Variants in ANKRD13A observed in about 807,000 individuals in gnomAD.
The protein encoded by ANKRD13A is ankyrin repeat domain-containing protein 13A.
Under a neutral mutation model 81.3 loss-of-function variants are expected in ANKRD13A, and 48 were observed. The ratio of observed to expected loss-of-function variants is 0.59; its 90% CI spans 0.47 to 0.75. ANKRD13A has a LOEUF of 0.75. Ranked by LOEUF, ANKRD13A falls within the 30% of genes least tolerant of loss-of-function variation. The probability of loss-of-function intolerance (pLI) is 0.00; values close to 1 mark genes in which losing one functional copy is unlikely to be tolerated. For missense variants in ANKRD13A, 612 were observed against 734.0 expected (o/e 0.83, Z 1.92); for synonymous variants, 230 against 270.1 (o/e 0.85, Z 1.45).
Position 110,037,794 on chromosome 12 carries a change from T to C in ANKRD13A, c.*240T>C, listed in dbSNP as rs1892156074. On this transcript the variant is annotated 3_prime_UTR_variant, in exon 15 of 15. Transcript: ENST00000261739. The stretch of plus-strand genomic sequence containing the variant: ...TCTCCAGGCTAAGGGGAGGAGAGCA[T>C]CATCACTTTCCATTAGCTGTATTGG... 2.5e-6 allele frequency: 1 copy of C among 401,008 alleles called. No homozygotes were observed. Among genetic ancestry groups the C allele is most frequent in the African/African-American group, 2.0e-5 (1 of 49,370 alleles). The allele number at this position is 401,008 out of a possible 1,614,324, so 24.8% of individuals were successfully genotyped here. A position where few individuals can be genotyped will look rare whatever the true frequency, so the allele number is the denominator to read the frequency against.
At chr12:110,013,884 T>C (rs1196587724) in intron 3 of ANKRD13A, among the ~76,000 whole-genome samples, 1 of 152,170 alleles carries the variant, frequency 6.6e-6, no homozygotes, top group African/African-American at 2.4e-5. Context: ...TTTAGGTGCC[T>C]GTTTTCTTGA....
chr12:110,010,451 A>G (rs6606680), intron 1 of ANKRD13A, among the ~76,000 whole-genome samples: 43,192 of 152,154 alleles, frequency 0.28, 9,297 homozygotes, highest in African/African-American at 0.61. Context: ...TTACTTTTAA[A>G]AAAATATTTA....
At chr12:110,019,401 T>A (rs149135826) in intron 6 of ANKRD13A, 73 bp downstream of exon 6, 1 of 1,386,800 alleles carries the variant, frequency 7.2e-7, no homozygotes, top group East Asian at 2.4e-5. Context: ...ATGTATTAAT[T>A]GTAAATTATG....
chr12:110,037,457 A>G lies in ANKRD13A; in HGVS notation c.1676A>G (p.Glu559Gly). The change falls in exon 15 of 15, where the codon GAG becomes GGG. Residue 559 changes from glutamate (E) to glycine (G), a missense_variant. By Grantham distance (98) the Glu-to-Gly change is moderately conservative. Transcript: ENST00000261739. Reference sequence around the variant, plus strand: ...GATAATGACTTGCAGCTAGCCATGGAGCTCTCTGCCAAAGAGCTGGAGGAA... The same window carrying G: ...GATAATGACTTGCAGCTAGCCATGGGGCTCTCTGCCAAAGAGCTGGAGGAA... ...RFDNDLQLAM[E>G]LSAKELEEWE... 6.2e-7 allele frequency: 1 copy of G among 1,614,170 alleles called. No individual in the cohort carries two copies. Among genetic ancestry groups the G allele is most frequent in the Non-Finnish European group, 8.5e-7 (1 of 1,180,030 alleles).
At chr12:110,013,085 A>G (rs746791158) in intron 2 of ANKRD13A, 40 bp from the exon 3 acceptor site, 48 of 1,609,068 alleles carry the variant, frequency 3.0e-5, no homozygotes, top group Non-Finnish European at 4.0e-5. Context: ...GGAATTTGTC[A>G]GAAAGTATGA....
At chr12:110,014,555 T>A (rs912858439) in intron 3 of ANKRD13A, among the ~76,000 whole-genome samples, 6 of 152,246 alleles carry the variant, frequency 3.9e-5, no homozygotes, top group Admixed American at 3.9e-4. Flanking sequence ...ACTTAGTGGC[T>A]CCAGAAGCTG....
At chr12:110,025,533 T>C (rs1891274025) in intron 7 of ANKRD13A, among the ~76,000 whole-genome samples, 1 of 152,180 alleles carries the variant, frequency 6.6e-6, no homozygotes, top group Non-Finnish European at 1.5e-5. Context: ...GTATTAAAAC[T>C]GTCAAACATG....
In ANKRD13A at chr12:110,019,134, A is replaced by G. The variant is rs1178126593; in HGVS notation, c.545-5A>G. On this transcript the variant is annotated splice_region_variant and splice_polypyrimidine_tract_variant and intron_variant, in intron 5 of 14. Coordinates refer to ENST00000261739, the MANE Select transcript of ANKRD13A (RefSeq NM_033121.2). ...ACTTAGTTATGCCTTTGTTTCCATT[A>G]ATAGACAACTGGGCGGAGTTAATGG... 3.2e-6 allele frequency: 5 copies of G among 1,573,978 alleles called. No homozygotes were observed. Among genetic ancestry groups the G allele is most frequent in the South Asian group, 1.2e-5 (1 of 86,100 alleles).
At position 110,013,041 on chromosome 12, in the gene ANKRD13A, G is replaced by A. The variant is rs1890608876; in HGVS notation, c.230-84G>A. On this transcript the variant is annotated intron_variant, in intron 2 of 14. Coordinates refer to ENST00000261739, the MANE Select transcript of ANKRD13A (RefSeq NM_033121.2). ...CCCTTTTCTTCTGAAGAAAATACTG[G>A]TCTTTGATCTAGATACTTTTTCAGC... The A allele has an allele frequency of 5.4e-6, 8 of 1,476,198 alleles. No individual in the cohort carries two copies. In the Admixed American group the frequency reaches 9.4e-5, roughly 17 times the overall value. The allele number at this position is 1,476,198 out of a possible 1,614,324, so 91.4% of individuals were successfully genotyped here.
chr12:110,005,391 A>G (rs944364362), intron 1 of ANKRD13A, among the ~76,000 whole-genome samples: 4 of 152,170 alleles, frequency 2.6e-5, no homozygotes, highest in African/African-American at 9.7e-5. Flanking sequence ...TTGGCCTGCC[A>G]AAGTGCTAAG....
chr12:110,006,584 T>TC (rs1215135987), intron 1 of ANKRD13A, among the ~76,000 whole-genome samples: 1 of 152,064 alleles, frequency 6.6e-6, no homozygotes, highest in Non-Finnish European at 1.5e-5. Flanking sequence ...AAATATTTTC[T>TC]CCCATTCCAT....
At position 110,036,847 on chromosome 12, in the gene ANKRD13A, G is replaced by C. The variant is rs1892086766; in HGVS notation, c.1578-512G>C. ...CTTGATAGCAAGTTTCCAGGAATGG[G>C]TGATAGAATTGCTGACTGGTTCACA... On this transcript the variant is annotated intron_variant, in intron 14 of 14. Coordinates refer to ENST00000261739, the MANE Select transcript of ANKRD13A (RefSeq NM_033121.2). The surrounding 1 kb of genome is among the most constrained non-coding windows in gnomAD (Gnocchi z 4.6). Among the ~76,000 whole-genome samples, 1 of 152,248 alleles carries C rather than the reference G, an allele frequency of 6.6e-6. No homozygotes were observed. The highest frequency in any genetic ancestry group is 1.5e-5 in the Non-Finnish European group (1 of 68,032).
intron 1 of ANKRD13A, among the ~76,000 whole-genome samples, chr12:110,005,704 G>A (rs944646644): frequency 6.6e-6 from 1 of 152,130 alleles, no homozygotes; most frequent in African/African-American, 2.4e-5. Context: ...GATGTACTAT[G>A]TTTTGTTTGT....
Position 110,037,400 on chromosome 12 carries a change from G to A in ANKRD13A, c.1619G>A (p.Cys540Tyr), listed in dbSNP as rs778468318. The A allele has an allele frequency of 1.9e-6, 3 of 1,614,202 alleles. No homozygotes were observed. Among genetic ancestry groups the A allele is most frequent in the South Asian group, 2.2e-5 (2 of 91,084 alleles). Residue 540 changes from cysteine to tyrosine, a missense_variant, in exon 15 of 15, where the codon TGC (cysteine) becomes TAC (tyrosine). Physicochemically the swap from Cys to Tyr is radical, Grantham distance 194. Transcript: ENST00000261739. Reference sequence around the variant, plus strand: ...CTCCTCACCAGCACAGAAGGCCTGTGCCCCAGCGCCCTGAGCGAGACAAGC... The same window carrying A: ...CTCCTCACCAGCACAGAAGGCCTGTACCCCAGCGCCCTGAGCGAGACAAGC... ...ESLLTSTEGL[C>Y]PSALSETSRF...
At position 110,012,246 on chromosome 12, in the gene ANKRD13A, T is replaced by C. The variant is rs1174053914; in HGVS notation, c.229+109T>C. The C allele has an allele frequency of 3.1e-6, 4 of 1,274,020 alleles. No individual in the cohort carries two copies. The African/African-American group carries it at 5.9e-5, about 19-fold the overall frequency. The allele number at this position is 1,274,020 out of a possible 1,614,324, so 78.9% of individuals were successfully genotyped here. On this transcript the variant is annotated intron_variant, in intron 2 of 14. Coordinates refer to ENST00000261739, the MANE Select transcript of ANKRD13A (RefSeq NM_033121.2). ...CAGGTGCGGTGGTGCATGTCTGTAG[T>C]ACCAGCTACTCAGGAGGCTGAGGGG... is the stretch of plus-strand genomic sequence containing the variant.
chr12:110,030,016 G>A (rs186362260), intron 11 of ANKRD13A, among the ~76,000 whole-genome samples: 4 of 152,124 alleles, frequency 2.6e-5, no homozygotes, highest in African/African-American at 9.6e-5. Flanking sequence ...TATGATCTAC[G>A]TCCCAAGCTA....
At chr12:110,033,757 GT>G in intron 12 of ANKRD13A, 39 bp from the exon 13 acceptor site, 7 of 1,508,280 alleles carry the variant, frequency 4.6e-6, no homozygotes, top group Non-Finnish European at 5.3e-6. Context: ...GAGTGGAAAT[GT>G]AATGAACTCA....
At chr12:110,029,154 CTTT>C in intron 10 of ANKRD13A, 1 of 203,118 alleles carries the variant, frequency 4.9e-6, no homozygotes, top group Non-Finnish European at 9.8e-6. Flanking sequence ...GTAAGAATTC[CTTT>C]TTTTTTTTAT....
chr12:110,025,848 C>T, intron 8 of ANKRD13A, 25 bp downstream of exon 8: 1 of 1,596,648 alleles, frequency 6.3e-7, no homozygotes, highest in Admixed American at 1.7e-5. Context: ...CCTCCCACCT[C>T]CTGTTTTGTT....
Sources: allele counts gnomAD v4.1 joint callset (sites outside exome capture counted in the v4.1 genomes callset), GRCh38; gene constraint gnomAD v4.1.1; non-coding constraint Gnocchi (gnomAD v3.1); transcripts MANE v1.5; gene names NCBI Gene and HGNC (gene_info 2026-07-23, HGNC 2026-07-21).